The following ZBTB7C variants were observed in gnomAD, a reference collection of about 807,000 sequenced individuals.
ZBTB7C encodes zinc finger and BTB domain containing 7C, also known as zinc finger and BTB domain-containing protein 7C.
Under a neutral mutation model 25.7 loss-of-function variants are expected in ZBTB7C, and 8 were observed. The observed-to-expected ratio is 0.31, with a 90% CI of 0.18 to 0.56. ZBTB7C has a LOEUF of 0.56. ZBTB7C is among the 20% of genes least tolerant of loss of function. The pLI is 0.91. For missense variants in ZBTB7C, 824 were observed against 855.2 expected, an observed-to-expected ratio of 0.96 and a Z score of 0.46; for synonymous variants, 394 against 369.0, an observed-to-expected ratio of 1.07 and a Z score of -0.78.
chr18:48,374,842 T>C (rs2047479335), intron 1 of ZBTB7C, among the ~76,000 whole-genome samples: 1 of 152,150 alleles, frequency 6.6e-6, no homozygotes, highest in East Asian at 1.9e-4. Flanking sequence ...CCACCACCCA[T>C]CACATAGCAG....
rs745531397 is a variant in ZBTB7C at position 48,029,498 on chromosome 18, G to C, written c.1622C>G (p.Ala541Gly). ...AKHFLAAPKG[A>G]LSLQELERQF... is the part of the protein sequence containing the mutation. ...CCGCTCCAGCTCTTGCAGGCTCAGG[G>C]CGCCCTTGGGCGCTGCCAGGAAGTG... The change falls in exon 5 of 5, where the codon GCC becomes GGC. Residue 541 changes from alanine to glycine, a missense_variant. Physicochemically the swap from Ala to Gly is moderately conservative, Grantham distance 60. Coordinates refer to ENST00000590800, the MANE Select transcript of ZBTB7C (RefSeq NM_001318841.2). 1.3e-6 allele frequency: 2 copies of C among 1,591,162 alleles called. No individual in the cohort carries two copies. The highest frequency in any genetic ancestry group is 2.2e-5 in the South Asian group (2 of 89,456).
intron 3 of ZBTB7C, among the ~76,000 whole-genome samples, chr18:48,168,787 G>A (rs1201785426): frequency 6.6e-6 from 1 of 152,232 alleles, no homozygotes; most frequent in East Asian, 1.9e-4. Flanking sequence ...AAAGGATAAT[G>A]TTGGTCTTCT....
chr18:48,304,841 C>CA (rs35398428), intron 2 of ZBTB7C, among the ~76,000 whole-genome samples: 50,916 of 90,038 alleles, frequency 0.57, 14,458 homozygotes, highest in East Asian at 0.92. Flanking sequence ...GGCTCTACCT[C>CA]AAAAAAAAAA....
chr18:48,344,186 G>T (rs1248994827), intron 1 of ZBTB7C, among the ~76,000 whole-genome samples: 1 of 152,154 alleles, frequency 6.6e-6, no homozygotes, highest in African/African-American at 2.4e-5. Flanking sequence ...GTTTCACCTT[G>T]TTGGCCAGGC....
In ZBTB7C at chr18:48,365,678, T is replaced by C. The variant is rs540030483; in HGVS notation, c.-303-27280A>G. 3.9e-5 allele frequency among the ~76,000 whole-genome samples: 6 copies of C among 152,062 alleles called. No individual in the cohort carries two copies. The East Asian group carries it at 7.7e-4, about 20-fold the overall frequency. Reference sequence around the variant, plus strand: ...TAAAGCATGGGACCCAACTATGCCATGCAGAGACTCCTAGCCCACAGAAAA... The same window carrying C: ...TAAAGCATGGGACCCAACTATGCCACGCAGAGACTCCTAGCCCACAGAAAA... On this transcript the variant is annotated intron_variant, in intron 1 of 4. Coordinates refer to ENST00000590800, the MANE Select transcript of ZBTB7C (RefSeq NM_001318841.2).
In ZBTB7C at chr18:48,261,126, T is replaced by C. The variant is rs139190532; in HGVS notation, c.-78-75131A>G. Reference sequence around the variant, plus strand: ...AAGAGTTCCAGGGGCAACAGCGGAATGTTTTAATTCATCGGATAAACGTCA... The same window carrying C: ...AAGAGTTCCAGGGGCAACAGCGGAACGTTTTAATTCATCGGATAAACGTCA... On this transcript the variant is annotated intron_variant, in intron 2 of 4. Transcript: ENST00000590800. Among the ~76,000 whole-genome samples the C allele has an allele frequency of 2.0e-4, 31 of 152,348 alleles. No individual in the cohort carries two copies. In the East Asian group the frequency reaches 5.8e-3, roughly 28 times the overall value.
intron 1 of ZBTB7C, among the ~76,000 whole-genome samples, chr18:48,390,953 C>T (rs531456924): frequency 2.0e-5 from 3 of 152,318 alleles, no homozygotes; most frequent in East Asian, 3.9e-4. Context: ...GGCCAAAATG[C>T]ATGAAGACAA....
chr18:48,101,609 T>C (rs2038832831), intron 3 of ZBTB7C, among the ~76,000 whole-genome samples: 2 of 152,220 alleles, frequency 1.3e-5, no homozygotes, highest in African/African-American at 2.4e-5. Flanking sequence ...CTAAGCAGTT[T>C]AGACATACTT....
chr18:48,403,883 G>A (rs2048217900), intron 1 of ZBTB7C, among the ~76,000 whole-genome samples: 1 of 151,534 alleles, frequency 6.6e-6, no homozygotes, highest in Non-Finnish European at 1.5e-5. Context: ...TAATAAACAG[G>A]CCTATTTGGT....
intron 2 of ZBTB7C, chr18:48,203,547 A>G (rs994776216): frequency 6.6e-6 from 1 of 152,220 alleles, no homozygotes; most frequent in East Asian, 1.9e-4. Context: ...AGAAACATCA[A>G]CAACAGGGAC....
intron 2 of ZBTB7C, among the ~76,000 whole-genome samples, chr18:48,214,121 A>G (rs1201543250): frequency 6.6e-6 from 1 of 152,230 alleles, no homozygotes; most frequent in African/African-American, 2.4e-5. Context: ...CAATTTTTTA[A>G]AATTGTGGTA....
chr18:48,171,152 G>C (rs1374479049), intron 3 of ZBTB7C, among the ~76,000 whole-genome samples: 1 of 152,230 alleles, frequency 6.6e-6, no homozygotes, highest in Admixed American at 6.5e-5. Flanking sequence ...CTCTTTCTCT[G>C]GCCCTGCCTG....
At chr18:48,391,707 G>A (rs892354230) in intron 1 of ZBTB7C, among the ~76,000 whole-genome samples, 12 of 152,124 alleles carry the variant, frequency 7.9e-5, no homozygotes, top group Non-Finnish European at 1.3e-4. Context: ...TGAACTACAC[G>A]TGGTTGGGTC....
Position 48,397,109 on chromosome 18 carries a change from T to C in ZBTB7C, c.-304+12117A>G, listed in dbSNP as rs2048045402. 2.0e-5 allele frequency among the ~76,000 whole-genome samples: 3 copies of C among 152,208 alleles called. No homozygotes were observed. In the South Asian group the frequency reaches 6.2e-4, roughly 31 times the overall value. ...AACGGTTTTAGTACTTGGTATCAAGTGGATAATCTCTTCCTAAATTCTTAT... is the reference window on the plus strand; with the variant it reads ...AACGGTTTTAGTACTTGGTATCAAGCGGATAATCTCTTCCTAAATTCTTAT... On this transcript the variant is annotated intron_variant, in intron 1 of 4. Coordinates refer to ENST00000590800, the MANE Select transcript of ZBTB7C (RefSeq NM_001318841.2).
At chr18:48,136,146 G>GC (rs1338117445) in intron 3 of ZBTB7C, among the ~76,000 whole-genome samples, 5 of 152,166 alleles carry the variant, frequency 3.3e-5, no homozygotes, top group Non-Finnish European at 7.4e-5. Flanking sequence ...TCCCAGGCCA[G>GC]CCCCGCGGCC....
intron 3 of ZBTB7C, among the ~76,000 whole-genome samples, chr18:48,111,762 A>C (rs2144669465): frequency 6.6e-6 from 1 of 152,294 alleles, no homozygotes; most frequent in Admixed American, 6.5e-5. Context: ...AGAAACCAAA[A>C]CATCTATATA....
chr18:48,284,630 C>T (rs1356256081), intron 2 of ZBTB7C, among the ~76,000 whole-genome samples: 2 of 151,928 alleles, frequency 1.3e-5, no homozygotes, highest in Non-Finnish European at 2.9e-5. Flanking sequence ...CGTGTCTCTA[C>T]TAAAAATACA....
At chr18:48,365,410 T>C (rs11662916) in intron 1 of ZBTB7C, among the ~76,000 whole-genome samples, 16,630 of 152,212 alleles carry the variant, frequency 0.11, 1,062 homozygotes, top group Non-Finnish European at 0.14. Flanking sequence ...GCAAAGGTAA[T>C]GGGATGTCAC....
intron 2 of ZBTB7C, among the ~76,000 whole-genome samples, chr18:48,304,630 G>A (rs9945425): frequency 0.18 from 26,831 of 151,716 alleles, 2,459 homozygotes; most frequent in African/African-American, 0.2. Flanking sequence ...AGCCAAGACC[G>A]CACCACTGCA....
Sources: allele counts gnomAD v4.1 joint callset (sites outside exome capture counted in the v4.1 genomes callset), GRCh38; gene constraint gnomAD v4.1.1; transcripts MANE v1.5; gene names NCBI Gene and HGNC (gene_info 2026-07-23, HGNC 2026-07-21).